Variants in TAFA1 observed in about 807,000 individuals in gnomAD.
The protein encoded by TAFA1 is TAFA chemokine like family member 1, also known as chemokine-like protein TAFA-1.
A neutral mutation model predicts 18.5 loss-of-function variants in TAFA1; 4 were observed. The ratio of observed to expected loss-of-function variants is 0.22; its 90% CI spans 0.11 to 0.49. The LOEUF (loss-of-function observed/expected upper bound fraction) is 0.49. TAFA1 is among the 20% of genes least tolerant of loss of function. The pLI, the probability that TAFA1 is intolerant of heterozygous loss-of-function variation, is 0.98. For synonymous variants in TAFA1, 56 were observed against 55.2 expected (o/e 1.01, Z -0.06); for missense variants, 147 against 169.0 (o/e 0.87, Z 0.72).
At position 68,021,689 on chromosome 3, in the gene TAFA1, C is replaced by CTGG. The variant is rs1320941971; in HGVS notation, c.118+14945_118+14946insTGG. 9.2e-5 allele frequency among the ~76,000 whole-genome samples: 14 copies of CTGG among 151,936 alleles called. No homozygotes were observed. The East Asian group carries it at 2.7e-3, about 30-fold the overall frequency. On this transcript the variant is annotated intron_variant, in intron 2 of 4. Coordinates refer to ENST00000478136, the MANE Select transcript of TAFA1 (RefSeq NM_213609.4). ...AGGTGTGTACTATTTTGAGCTCTAG[C>CTGG]AAGAAAGAAAAGAAGAAGGAAAAAA...
chr3:68,242,721 T>C (rs1339965154), intron 2 of TAFA1, among the ~76,000 whole-genome samples: 3 of 152,176 alleles, frequency 2.0e-5, no homozygotes, highest in African/African-American at 7.2e-5. Flanking sequence ...TATATTGTTA[T>C]ATAAACTGTC....
rs148268378 is a variant in TAFA1 at position 68,385,581 on chromosome 3, G to A, written c.119-31699G>A. Among the ~76,000 whole-genome samples, 281 of 152,088 alleles carry A rather than the reference G, an allele frequency of 1.8e-3. 9 individuals carry two copies. In the South Asian group the frequency reaches 0.049, roughly 26 times the overall value. Reference sequence around the variant, plus strand: ...GTTGTTATAAAGACTGAATAAATCCGCATGAAGCACTTAGTGCAATATGTG... The same window carrying A: ...GTTGTTATAAAGACTGAATAAATCCACATGAAGCACTTAGTGCAATATGTG... On this transcript the variant is annotated intron_variant, in intron 2 of 4. Coordinates refer to ENST00000478136, the MANE Select transcript of TAFA1 (RefSeq NM_213609.4).
At chr3:67,992,128 C>T in the TAFA1 span, among the ~76,000 whole-genome samples, 1 of 152,172 alleles carries the variant, frequency 6.6e-6, no homozygotes, top group Admixed American at 6.5e-5. Flanking sequence ...GTGTGATTTA[C>T]AATGGTCCCT....
At chr3:68,176,800 A>T (rs916465257) in intron 2 of TAFA1, among the ~76,000 whole-genome samples, 12 of 152,218 alleles carry the variant, frequency 7.9e-5, no homozygotes, top group Non-Finnish European at 1.2e-4. Context: ...TTAAGGCTAC[A>T]TCAGCAATTT....
At chr3:68,260,350 T>C (rs568431102) in intron 2 of TAFA1, among the ~76,000 whole-genome samples, 3 of 152,244 alleles carry the variant, frequency 2.0e-5, no homozygotes, top group South Asian at 2.1e-4. Context: ...CAGTATTTTA[T>C]TGAGGATTTT....
chr3:68,519,313 GC>G (rs1408006510), intron 3 of TAFA1, among the ~76,000 whole-genome samples: 1 of 152,168 alleles, frequency 6.6e-6, no homozygotes, highest in Non-Finnish European at 1.5e-5. Flanking sequence ...AAGGAGGCAG[GC>G]CCTCACAAGA....
intron 2 of TAFA1, among the ~76,000 whole-genome samples, chr3:68,379,581 A>G (rs2069889729): frequency 6.6e-6 from 1 of 152,118 alleles, no homozygotes; most frequent in Non-Finnish European, 1.5e-5. Flanking sequence ...TGCTTTGTCA[A>G]GAATGGTATT....
intron 3 of TAFA1, among the ~76,000 whole-genome samples, chr3:68,527,817 C>T (rs776593492): frequency 2.6e-5 from 4 of 151,624 alleles, no homozygotes; most frequent in Non-Finnish European, 5.9e-5. Flanking sequence ...TAAAAAAAAT[C>T]TACCGACTGA....
chr3:68,023,064 A>G (rs1704732605), intron 2 of TAFA1, among the ~76,000 whole-genome samples: 1 of 151,234 alleles, frequency 6.6e-6, no homozygotes, highest in South Asian at 2.1e-4. Flanking sequence ...TGGTAAAGCC[A>G]GTATTTGAAC....
intron 2 of TAFA1, among the ~76,000 whole-genome samples, chr3:68,304,964 G>T (rs1437974967): frequency 2.0e-5 from 3 of 152,072 alleles, no homozygotes; most frequent in Non-Finnish European, 4.4e-5. Flanking sequence ...CCTGCAAACT[G>T]CAGTAAAAAT....
chr3:68,336,670 C>G (rs2068974192), intron 2 of TAFA1, among the ~76,000 whole-genome samples: 1 of 152,274 alleles, frequency 6.6e-6, no homozygotes, highest in South Asian at 2.1e-4. Flanking sequence ...GGGGTCTGGG[C>G]AGGATATGCA....
At chr3:68,393,520 G>A (rs1030443496) in intron 2 of TAFA1, among the ~76,000 whole-genome samples, 1 of 152,084 alleles carries the variant, frequency 6.6e-6, no homozygotes, top group Admixed American at 6.6e-5. Flanking sequence ...TATGAGGCAA[G>A]CATCATCCTG....
intron 3 of TAFA1, among the ~76,000 whole-genome samples, chr3:68,517,814 A>G (rs2072946932): frequency 6.6e-6 from 1 of 152,124 alleles, no homozygotes. Flanking sequence ...TTGATTTGTC[A>G]CAGCAATTGC....
chr3:68,182,940 C>G (rs1429412944), intron 2 of TAFA1, among the ~76,000 whole-genome samples: 1 of 152,014 alleles, frequency 6.6e-6, no homozygotes, highest in Non-Finnish European at 1.5e-5. Flanking sequence ...GTCTAGGTTC[C>G]AGAGGTTCAT....
intron 3 of TAFA1, among the ~76,000 whole-genome samples, chr3:68,434,859 G>A (rs1388980991): frequency 2.0e-5 from 3 of 151,972 alleles, no homozygotes; most frequent in African/African-American, 4.8e-5. Context: ...ACCTCCTGTC[G>A]AAACCAAAAA....
At chr3:68,387,013 C>G (rs549368820) in intron 2 of TAFA1, among the ~76,000 whole-genome samples, 47 of 151,592 alleles carry the variant, frequency 3.1e-4, no homozygotes, top group Non-Finnish European at 4.4e-4. Flanking sequence ...TCAGAATTTT[C>G]TTTATAAAGT....
intron 2 of TAFA1, among the ~76,000 whole-genome samples, chr3:68,063,448 G>T (rs1290601468): frequency 1.3e-5 from 2 of 152,164 alleles, no homozygotes; most frequent in African/African-American, 4.8e-5. Context: ...GCATGGACAA[G>T]AAGTATAAAA....
intron 2 of TAFA1, among the ~76,000 whole-genome samples, chr3:68,138,864 A>C (rs73834844): frequency 0.04 from 6,067 of 152,282 alleles, 169 homozygotes; most frequent in East Asian, 0.1. Context: ...CTAAATCATT[A>C]CAAGTCTTTT....
chr3:68,047,191 G>T (rs1307804635), intron 2 of TAFA1, among the ~76,000 whole-genome samples: 10 of 152,132 alleles, frequency 6.6e-5, no homozygotes, highest in Admixed American at 6.6e-4. Context: ...CTTTAGACAA[G>T]TCTAGGATCT....
Sources: gnomAD v4.1 joint callset for allele counts (sites outside exome capture counted in the v4.1 genomes callset) on GRCh38, gnomAD v4.1.1 for gene constraint, MANE v1.5 for transcripts, NCBI Gene and HGNC (gene_info 2026-07-23, HGNC 2026-07-21) for gene names.